Variants in MCC observed in about 807,000 individuals in gnomAD.
MCC encodes MCC regulator of Wnt signaling pathway, also known as colorectal mutant cancer protein.
MCC carries 90 observed loss-of-function variants against 116.2 expected under a neutral mutation model. The observed-to-expected ratio is 0.77, with a 90% confidence interval of 0.65 to 0.92. The LOEUF (loss-of-function observed/expected upper bound fraction) is 0.92. MCC is among the 40% of genes least tolerant of loss of function. The pLI, the probability that MCC is intolerant of heterozygous loss-of-function variation, is 0.00. For synonymous variants in MCC, 578 were observed against 510.5 expected (o/e 1.13, Z -1.78); for missense variants, 1,516 against 1,312.2 (o/e 1.16, Z -2.40).
chr5:113,184,127 C>T (rs946561742), intron 3 of MCC, among the ~76,000 whole-genome samples: 5 of 152,168 alleles, frequency 3.3e-5, no homozygotes. Context: ...TTAGAATTTG[C>T]TCTTATAAGA....
At chr5:113,245,205 C>T (rs1317017507) in intron 3 of MCC, among the ~76,000 whole-genome samples, 1 of 150,676 alleles carries the variant, frequency 6.6e-6, no homozygotes, top group Non-Finnish European at 1.5e-5. Context: ...GGCAGGAGAA[C>T]GGCTTGAACC....
In MCC at chr5:113,488,272, T is replaced by C; in HGVS notation, c.143A>G (p.Asp48Gly). The part of the protein sequence containing the change: ...ERMRRLFQTC[D>G]GDGDGYISRN... ...GCTGATGTATCCGTCCCCGTCGCCG[T>C]CGCACGTCTGGAAGAGGCGCCGCAT... Residue 48 changes from aspartate to glycine, a missense_variant, in exon 1 of 19, where the codon GAC (aspartate) becomes GGC (glycine). Transcript: ENST00000408903. 6.3e-7 allele frequency: 1 copy of C among 1,595,496 alleles called. No individual in the cohort carries two copies. The highest frequency in any genetic ancestry group is 1.1e-5 in the South Asian group (1 of 90,358).
intron 2 of MCC, among the ~76,000 whole-genome samples, chr5:113,366,209 G>C (rs954785273): frequency 6.6e-6 from 1 of 151,724 alleles, no homozygotes; most frequent in Admixed American, 6.6e-5. Flanking sequence ...TTCCTTTTTT[G>C]AATCTGCTTT....
rs560083662 is a variant in MCC, at chr5:113,080,042, A to G, written c.1784+2818T>C. On this transcript the variant is annotated intron_variant, in intron 11 of 18. Coordinates refer to ENST00000408903, the MANE Select transcript of MCC (RefSeq NM_001085377.2). ...GAAGACATTTATGCAGCCAACAGAC[A>G]CATGAAAAAATGCTCAGCATCACTG... 5.2e-5 allele frequency among the ~76,000 whole-genome samples: 8 copies of G among 152,394 alleles called. No individual in the cohort carries two copies. In the East Asian group the frequency reaches 1.5e-3, roughly 29 times the overall value.
chr5:113,055,382 A>G (rs942929429), intron 14 of MCC, among the ~76,000 whole-genome samples: 35 of 152,172 alleles, frequency 2.3e-4, no homozygotes, highest in African/African-American at 7.0e-4. Context: ...TAGTCCCCAC[A>G]GCCTAGACAT....
intron 1 of MCC, among the ~76,000 whole-genome samples, chr5:113,431,769 G>T (rs202185900): frequency 2.0e-5 from 2 of 98,634 alleles, no homozygotes; most frequent in African/African-American, 4.2e-5. Flanking sequence ...GCCAAGGGGG[G>T]GGGGGGGTGG....
At chr5:113,444,337 T>C (rs1046695449) in intron 1 of MCC, among the ~76,000 whole-genome samples, 2 of 152,124 alleles carry the variant, frequency 1.3e-5, no homozygotes, top group Non-Finnish European at 2.9e-5. Context: ...AAGAGACAGA[T>C]ACTGTAGTAT....
chr5:113,226,848 G>T (rs1332470305), intron 3 of MCC, among the ~76,000 whole-genome samples: 4 of 152,070 alleles, frequency 2.6e-5, no homozygotes, highest in Non-Finnish European at 5.9e-5. Context: ...CTTGACTCAG[G>T]CCTGAGTTCA....
intron 3 of MCC, chr5:113,294,684 G>C: frequency 9.6e-7 from 1 of 1,041,468 alleles, no homozygotes; most frequent in Non-Finnish European, 1.2e-6. Context: ...CCAGCGCCCC[G>C]TTCCGGGGCA....
intron 3 of MCC, among the ~76,000 whole-genome samples, chr5:113,157,465 G>A (rs531980877): frequency 6.6e-6 from 1 of 152,332 alleles, no homozygotes; most frequent in East Asian, 1.9e-4. Context: ...AGCCACAGGT[G>A]AGGCAGAGGA....
chr5:113,128,391 G>T (rs892689683), intron 5 of MCC, among the ~76,000 whole-genome samples: 1 of 152,146 alleles, frequency 6.6e-6, no homozygotes, highest in African/African-American at 2.4e-5. Context: ...TTAAATGGCT[G>T]GCTTTCTTTT....
Position 113,176,630 on chromosome 5 carries a change from G to A in MCC, c.628-25208C>T, listed in dbSNP as rs544278534. Among the ~76,000 whole-genome samples, 4 of 152,206 alleles carry A rather than the reference G, an allele frequency of 2.6e-5. No individual in the cohort carries two copies. The South Asian group carries it at 8.3e-4, about 32-fold the overall frequency. On this transcript the variant is annotated intron_variant, in intron 3 of 18. Transcript: ENST00000408903. ...CAAACTCAACTTCCCTTCTTTCCCT[G>A]CAAACTAACCCACCCCGTACATCCA... is the stretch of plus-strand genomic sequence containing the variant.
intron 1 of MCC, among the ~76,000 whole-genome samples, chr5:113,476,092 A>G (rs1478773208): frequency 5.9e-5 from 9 of 152,238 alleles, no homozygotes; most frequent in Non-Finnish European, 1.5e-5. Flanking sequence ...AAGTACCCTG[A>G]AAAACATAGT....
intron 5 of MCC, among the ~76,000 whole-genome samples, chr5:113,142,415 C>G: frequency 6.6e-6 from 1 of 151,942 alleles, no homozygotes; most frequent in East Asian, 1.9e-4. Context: ...AACCTCTCCT[C>G]TGAGGAACAG....
At chr5:113,159,824 T>C (rs951564038) in intron 3 of MCC, among the ~76,000 whole-genome samples, 7 of 152,210 alleles carry the variant, frequency 4.6e-5, no homozygotes, top group African/African-American at 1.4e-4. Context: ...ACCTGCTATG[T>C]AGTATTTCAA....
chr5:113,447,556 C>T (rs1326419093), intron 1 of MCC, among the ~76,000 whole-genome samples: 10 of 152,166 alleles, frequency 6.6e-5, no homozygotes, highest in Admixed American at 2.6e-4. Flanking sequence ...AGTCCGACCA[C>T]CTCCTTTGAC....
At chr5:113,134,279 C>T (rs964264612) in intron 5 of MCC, among the ~76,000 whole-genome samples, 4 of 152,160 alleles carry the variant, frequency 2.6e-5, no homozygotes, top group African/African-American at 7.2e-5. Context: ...TTTCATTCTT[C>T]TGCATATGGA....
intron 1 of MCC, among the ~76,000 whole-genome samples, chr5:113,406,974 A>C (rs539030531): frequency 6.6e-6 from 1 of 152,180 alleles, no homozygotes; most frequent in Non-Finnish European, 1.5e-5. Context: ...TAAGTAAATA[A>C]CTATTTATAT....
At chr5:113,412,993 T>G (rs1272895987) in intron 1 of MCC, among the ~76,000 whole-genome samples, 1 of 152,188 alleles carries the variant, frequency 6.6e-6, no homozygotes, top group African/African-American at 2.4e-5. Flanking sequence ...GTTGTTGAAT[T>G]TTGTCAAAGG....
Sources: allele counts gnomAD v4.1 joint callset (sites outside exome capture counted in the v4.1 genomes callset), GRCh38; gene constraint gnomAD v4.1.1; transcripts MANE v1.5; gene names NCBI Gene and HGNC (gene_info 2026-07-23, HGNC 2026-07-21).